The following CCDC138 variants were observed in gnomAD, a reference collection of about 807,000 sequenced individuals.
The protein encoded by CCDC138 is coiled-coil domain containing 138, also known as coiled-coil domain-containing protein 138.
CCDC138 carries 66 observed loss-of-function variants against 82.3 expected under a neutral mutation model. That is an observed-to-expected ratio of 0.80 (90% CI 0.66 to 0.98). The LOEUF (loss-of-function observed/expected upper bound fraction) is 0.98. CCDC138 is among the 50% of genes least tolerant of loss of function. The probability of loss-of-function intolerance (pLI) is 0.00; values close to 1 mark genes in which losing one functional copy is unlikely to be tolerated. For synonymous variants in CCDC138, 297 were observed against 265.4 expected (o/e 1.12, Z -1.16); for missense variants, 816 against 758.9 (o/e 1.08, Z -0.88).
In CCDC138 at chr2:108,859,058, C is replaced by G. The variant is rs10183476; in HGVS notation, c.1693+2088C>G. On this transcript the variant is annotated intron_variant, in intron 13 of 14. Coordinates refer to ENST00000295124, the MANE Select transcript of CCDC138 (RefSeq NM_144978.3). ...ATACCCAGTAATAGGATTGCTGAAT[C>G]GAATGGCAGTTCTATTTGACTTTAG... is the stretch of plus-strand genomic sequence containing the variant. Among the ~76,000 whole-genome samples the G allele has an allele frequency of 6.6e-5, 10 of 152,070 alleles. No individual in the cohort carries two copies. The East Asian group carries it at 1.9e-3, about 29-fold the overall frequency.
At chr2:108,865,737 C>T (rs939169294) in intron 13 of CCDC138, among the ~76,000 whole-genome samples, 1 of 152,114 alleles carries the variant, frequency 6.6e-6, no homozygotes, top group African/African-American at 2.4e-5. Flanking sequence ...GTTGGACACA[C>T]GGTACTCCCC....
chr2:108,880,586 A>G (rs1044937271), downstream of CCDC138, among the ~76,000 whole-genome samples: 5 of 152,184 alleles, frequency 3.3e-5, no homozygotes, highest in Non-Finnish European at 5.9e-5. Context: ...TTTGAAGGCA[A>G]TGCTCATTTG....
chr2:108,798,386 T>C, intron 5 of CCDC138, 42 bp from the exon 6 acceptor site: 1 of 1,577,680 alleles, frequency 6.3e-7, no homozygotes, highest in Non-Finnish European at 8.6e-7. Flanking sequence ...TTGCAGAATT[T>C]GTGACTTTTC....
At chr2:108,853,953 A>AAT (rs963835940) in intron 12 of CCDC138, among the ~76,000 whole-genome samples, 7 of 120,824 alleles carry the variant, frequency 5.8e-5, no homozygotes, top group African/African-American at 2.2e-4. Context: ...ATATACAATA[A>AAT]ATATATATAA....
intron 13 of CCDC138, among the ~76,000 whole-genome samples, chr2:108,871,942 T>C (rs1695314860): frequency 6.6e-6 from 1 of 152,226 alleles, no homozygotes. Context: ...CTAGTCCTTT[T>C]ACTGTGGCTT....
chr2:108,870,428 G>T (rs1277133549), intron 13 of CCDC138, among the ~76,000 whole-genome samples: 1 of 152,282 alleles, frequency 6.6e-6, no homozygotes, highest in East Asian at 1.9e-4. Context: ...AAGAGAAAGG[G>T]TGGAAAGATA....
intron 11 of CCDC138, among the ~76,000 whole-genome samples, chr2:108,844,868 C>T (rs1251662227): frequency 2.6e-5 from 4 of 151,966 alleles, no homozygotes; most frequent in African/African-American, 4.8e-5. Context: ...CTGCCTCACC[C>T]TCCTGAATAG....
At chr2:108,832,132 C>G (rs1432654100) in intron 10 of CCDC138, among the ~76,000 whole-genome samples, 1 of 151,846 alleles carries the variant, frequency 6.6e-6, no homozygotes, top group Non-Finnish European at 1.5e-5. Flanking sequence ...TGGGTTCAAG[C>G]AGTTCTTCTG....
chr2:108,864,666 C>T (rs113003434), intron 13 of CCDC138, among the ~76,000 whole-genome samples: 10,975 of 152,022 alleles, frequency 0.072, 510 homozygotes, highest in South Asian at 0.15. Context: ...TGGTGGCCCA[C>T]GCCTGTAGTC....
chr2:108,799,752 C>G (rs1405295280), intron 6 of CCDC138, among the ~76,000 whole-genome samples: 1 of 152,130 alleles, frequency 6.6e-6, no homozygotes, highest in African/African-American at 2.4e-5. Context: ...TCTTGGATCT[C>G]CAGTGACTCC....
At chr2:108,860,120 A>G (rs1389096101) in intron 13 of CCDC138, among the ~76,000 whole-genome samples, 1 of 151,894 alleles carries the variant, frequency 6.6e-6, no homozygotes, top group Non-Finnish European at 1.5e-5. Flanking sequence ...ATTGGTGTAT[A>G]GAAATGCTTC....
chr2:108,848,088 C>T (rs1036462750), intron 12 of CCDC138, among the ~76,000 whole-genome samples: 6 of 152,022 alleles, frequency 3.9e-5, no homozygotes, highest in African/African-American at 7.2e-5. Context: ...CATAGATTCA[C>T]TAAAGATCAA....
chr2:108,828,544 C>T (rs1237663951), intron 10 of CCDC138, among the ~76,000 whole-genome samples: 1 of 152,176 alleles, frequency 6.6e-6, no homozygotes, highest in Non-Finnish European at 1.5e-5. Context: ...AATATAAGCC[C>T]TCACATATAG....
At chr2:108,821,160 C>A (rs1039353636) in intron 10 of CCDC138, among the ~76,000 whole-genome samples, 1 of 152,092 alleles carries the variant, frequency 6.6e-6, no homozygotes, top group Non-Finnish European at 1.5e-5. Context: ...GAGTTTGAGA[C>A]CAGCCTGGCC....
intron 1 of CCDC138, 138 bp downstream of exon 1, chr2:108,787,053 G>T (rs1027698757): frequency 1.1e-5 from 5 of 459,558 alleles, no homozygotes; most frequent in African/African-American, 8.3e-5. Flanking sequence ...TGCGGCTTGG[G>T]CCTCGTGGAA....
At chr2:108,822,044 C>A (rs1685792420) in intron 10 of CCDC138, among the ~76,000 whole-genome samples, 1 of 151,824 alleles carries the variant, frequency 6.6e-6, no homozygotes, top group Admixed American at 6.6e-5. Context: ...CAGCACCCAA[C>A]TGTATGCTGT....
chr2:108,789,188 A>G (rs921294510), intron 3 of CCDC138, among the ~76,000 whole-genome samples: 1 of 152,216 alleles, frequency 6.6e-6, no homozygotes, highest in African/African-American at 2.4e-5. Context: ...TTAGTGGCAT[A>G]ATGGAAAGTT....
chr2:108,871,826 T>A (rs1056702333), intron 13 of CCDC138, among the ~76,000 whole-genome samples: 2 of 152,214 alleles, frequency 1.3e-5, no homozygotes, highest in East Asian at 3.8e-4. Flanking sequence ...TTTTTAGTCA[T>A]AGTTTATCTT....
At chr2:108,850,205 TAACTC>T (rs1691220148) in intron 12 of CCDC138, among the ~76,000 whole-genome samples, 1 of 152,176 alleles carries the variant, frequency 6.6e-6, no homozygotes, top group African/African-American at 2.4e-5. Flanking sequence ...AGAGTAGACT[TAACTC>T]TAGTAAGAAG....
Sources: allele counts gnomAD v4.1 joint callset (sites outside exome capture counted in the v4.1 genomes callset), GRCh38; gene constraint gnomAD v4.1.1; transcripts MANE v1.5; gene names NCBI Gene and HGNC (gene_info 2026-07-23, HGNC 2026-07-21).